PRCC: variants seen among roughly 807,000 people sequenced by gnomAD.
PRCC encodes proline-rich protein PRCC.
PRCC carries 10 observed loss-of-function variants against 44.0 expected under a neutral mutation model. The ratio of observed to expected loss-of-function variants is 0.23; its 90% confidence interval spans 0.14 to 0.39. The LOEUF (loss-of-function observed/expected upper bound fraction) is 0.39, where lower values mean the gene tolerates loss of function less well. PRCC is among the 10% of genes least tolerant of loss of function. The probability of loss-of-function intolerance (pLI) is 1.00; values close to 1 mark genes in which losing one functional copy is unlikely to be tolerated. For synonymous variants in PRCC, 278 were observed against 259.5 expected (o/e 1.07, Z -0.69); for missense variants, 573 against 624.7 (o/e 0.92, Z 0.88).
intron 1 of PRCC, among the ~76,000 whole-genome samples, chr1:156,777,859 G>A (rs1242720426): frequency 2.6e-5 from 4 of 152,088 alleles, no homozygotes; most frequent in Non-Finnish European, 5.9e-5. Context: ...GGAGTGACAA[G>A]GGGAAGGACT....
Position 156,783,636 on chromosome 1 carries a change from C to T in PRCC, c.516+1307C>T, listed in dbSNP as rs112696364. ...TGACAGGTGCCTATAGTCCCAGCTA[C>T]TCGGGAGGCTGAGGCAGGAGAATCG... is the stretch of plus-strand genomic sequence containing the variant. On this transcript the variant is annotated intron_variant, in intron 2 of 6. Coordinates refer to ENST00000271526, the MANE Select transcript of PRCC (RefSeq NM_005973.5). Among the ~76,000 whole-genome samples, 648 of 152,102 alleles carry T rather than the reference C, an allele frequency of 4.3e-3. 1 individual carries two copies. Among genetic ancestry groups the T allele is most frequent in the African/African-American group, 0.015 (621 of 41,508 alleles).
intron 4 of PRCC, among the ~76,000 whole-genome samples, chr1:156,792,621 T>G (rs1031391887): frequency 6.6e-6 from 1 of 152,028 alleles, no homozygotes; most frequent in African/African-American, 2.4e-5. Context: ...GTCCAGCTAA[T>G]TTTTGTATTT....
chr1:156,787,349 T>TCTTA (rs1571587567), intron 3 of PRCC, among the ~76,000 whole-genome samples, 175 bp downstream of exon 3: 1 of 151,950 alleles, frequency 6.6e-6, no homozygotes. Context: ...ATTGCCCAAG[T>TCTTA]CTTAAAGTGT....
In PRCC at chr1:156,786,678, A is replaced by C; in HGVS notation, c.587A>C (p.Asn196Thr). The C allele has an allele frequency of 6.2e-7, 1 of 1,614,168 alleles. No individual in the cohort carries two copies. Among genetic ancestry groups the C allele is most frequent in the Non-Finnish European group, 8.5e-7 (1 of 1,180,028 alleles). ...AAAAACCTGACTGTGAAAGAGACTA[A>C]CAGGTTGCTCCTGCCCCATGCCTTC... ...QPKNLTVKET[N>T]RLLLPHAFSR... The change falls in exon 3 of 7, where the codon AAC (asparagine) becomes ACC (threonine). Residue 196 changes from asparagine to threonine, a missense_variant. Around this residue, in one of 4 missense-constraint regions of PRCC, gnomAD observed 118 missense variants for 166.7 expected, o/e 0.71. Transcript: ENST00000271526.
Position 156,797,414 on chromosome 1 carries a change from G to A in PRCC, c.1389+73G>A, listed in dbSNP as rs1309894670. Reference sequence around the variant, plus strand: ...TGGGAATTTGAAGGCTGAGATACGAGTTAGAAGCCCAGATGCTTATCTTTT... The same window carrying A: ...TGGGAATTTGAAGGCTGAGATACGAATTAGAAGCCCAGATGCTTATCTTTT... On this transcript the variant is annotated intron_variant, in intron 6 of 6. Transcript: ENST00000271526. The A allele has an allele frequency of 4.5e-6, 7 of 1,560,628 alleles. No homozygotes were observed. The Admixed American group carries it at 1.2e-4, about 26-fold the overall frequency.
intron 3 of PRCC, chr1:156,791,379 A>G: frequency 2.1e-6 from 1 of 467,216 alleles, no homozygotes; most frequent in Non-Finnish European, 4.0e-6. Context: ...GTAAGAGGTG[A>G]GAGTCTCTCT....
chr1:156,772,133 ACAGGCGTGAGC>A (rs1325399377), intron 1 of PRCC, among the ~76,000 whole-genome samples: 1 of 152,198 alleles, frequency 6.6e-6, no homozygotes, highest in African/African-American at 2.4e-5. Context: ...TGCTGGGATT[ACAGGCGTGAGC>A]CACTGCTTCT....
intron 1 of PRCC, among the ~76,000 whole-genome samples, chr1:156,778,273 A>G (rs1238649034): frequency 6.6e-6 from 1 of 152,170 alleles, no homozygotes; most frequent in African/African-American, 2.4e-5. Context: ...GTAAGTGAGA[A>G]CGTGTGCTAT....
chr1:156,782,439 AT>A (rs3831129), intron 2 of PRCC, 110 bp downstream of exon 2: 625,776 of 946,670 alleles, frequency 0.66, 210,117 homozygotes, highest in East Asian at 0.82. Flanking sequence ...AAACACAGAT[AT>A]TTGAGGACTA....
At chr1:156,785,835 G>A (rs1652222741) in intron 2 of PRCC, among the ~76,000 whole-genome samples, 2 of 138,852 alleles carry the variant, frequency 1.4e-5, no homozygotes, top group Admixed American at 7.4e-5. Context: ...TTTTTGAGAA[G>A]GGGTCTCACT....
chr1:156,789,630 T>A (rs960677367), intron 3 of PRCC, among the ~76,000 whole-genome samples: 8 of 152,016 alleles, frequency 5.3e-5, no homozygotes, highest in Non-Finnish European at 1.0e-4. Context: ...AATAAAAAAA[T>A]TAATAATAAA....
At chr1:156,794,833 G>A (rs2102772755) in intron 5 of PRCC, 25 bp downstream of exon 5, 1 of 1,613,330 alleles carries the variant, frequency 6.2e-7, no homozygotes, top group Non-Finnish European at 8.5e-7. Context: ...TCTATTGAGT[G>A]GTCAGCTTGG....
rs1372428985 is a variant in PRCC, at chr1:156,768,040, T to C, written c.269T>C (p.Phe90Ser). The C allele has an allele frequency of 6.3e-6, 10 of 1,577,280 alleles. No homozygotes were observed. The East Asian group carries it at 2.1e-4, about 33-fold the overall frequency. Reference protein sequence around the residue: ...PPPLPFGLGGFPPPPGVSPAE... With the variant: ...PPPLPFGLGGSPPPPGVSPAE... The stretch of plus-strand genomic sequence containing the variant: ...CCCTTGCCCTTCGGCCTGGGAGGCT[T>C]CCCCCCACCTCCAGGCGTGAGCCCG... The change falls in exon 1 of 7, where the codon TTC becomes TCC. Residue 90 changes from phenylalanine (F) to serine (S), a missense_variant. Phe to Ser is a radical substitution (Grantham distance 155). Transcript: ENST00000271526.
chr1:156,798,987 G>A (rs915790359), intron 6 of PRCC, among the ~76,000 whole-genome samples: 8 of 152,154 alleles, frequency 5.3e-5, no homozygotes, highest in Non-Finnish European at 1.2e-4. Context: ...GTTTTAAGCA[G>A]GTACAATACT....
chr1:156,797,829 G>A (rs1652710273), intron 6 of PRCC, among the ~76,000 whole-genome samples: 1 of 152,186 alleles, frequency 6.6e-6, no homozygotes. Flanking sequence ...ACTGGAATAT[G>A]TCTTGGTATT....
At chr1:156,779,821 A>T (rs1163744471) in intron 1 of PRCC, among the ~76,000 whole-genome samples, 1 of 151,244 alleles carries the variant, frequency 6.6e-6, no homozygotes, top group Non-Finnish European at 1.5e-5. Context: ...GCCTCAAGTG[A>T]TTCTCCAATT....
intron 1 of PRCC, among the ~76,000 whole-genome samples, chr1:156,777,900 A>G (rs775927920): frequency 2.0e-5 from 3 of 152,108 alleles, no homozygotes; most frequent in Non-Finnish European, 4.4e-5. Context: ...TACAAACAGG[A>G]GGTTCTTTAA....
At chr1:156,773,381 G>A (rs11264546) in intron 1 of PRCC, among the ~76,000 whole-genome samples, 52,428 of 151,960 alleles carry the variant, frequency 0.35, 10,494 homozygotes, top group East Asian at 0.73. Flanking sequence ...CAGCAGTCTC[G>A]GGGTATGTGT....
chr1:156,768,125 T>C lies in PRCC; in HGVS notation c.354T>C (p.Pro118=). 6.4e-7 allele frequency: 1 copy of C among 1,572,880 alleles called. No individual in the cohort carries two copies. Among genetic ancestry groups the C allele is most frequent in the Non-Finnish European group, 8.6e-7 (1 of 1,158,840 alleles). ...TGGGGTTGCCCTCGCCCCGAGGCCC[T>C]GGCCTCAATCTGCCCCCTCCAATTG... ...LGLGLPSPRG[P]GLNLPPPIGG... is the part of the protein sequence containing the mutation. Residue 118 remains proline, a synonymous_variant, in exon 1 of 7, where the codon CCT becomes CCC. Transcript: ENST00000271526.
Sources: gnomAD v4.1 joint callset for allele counts (sites outside exome capture counted in the v4.1 genomes callset) on GRCh38, gnomAD v4.1.1 for gene constraint, gnomAD v4.1.1 regional missense constraint, MANE v1.5 for transcripts, NCBI Gene and HGNC (gene_info 2026-07-23, HGNC 2026-07-21) for gene names.